The following NAV3 variants were observed in gnomAD, a reference collection of about 807,000 sequenced individuals.
NAV3 encodes pore membrane and/or filament interacting like protein 1.
In NAV3, 87 loss-of-function variants were observed where a neutral mutation model predicts 244.7. The ratio of observed to expected loss-of-function variants is 0.36; its 90% CI spans 0.30 to 0.42. NAV3 has a LOEUF of 0.42. Among genes scored for constraint, NAV3 ranks in the 20% least tolerant of loss-of-function variants. NAV3 has a pLI of 1.00. For synonymous variants in NAV3, 1,126 were observed against 1,042.2 expected (o/e 1.08, Z -1.55); for missense variants, 2,663 against 2,893.3 (o/e 0.92, Z 1.83).
chr12:78,107,865 TCTAA>T (rs1010218012), intron 12 of NAV3, among the ~76,000 whole-genome samples: 1 of 151,382 alleles, frequency 6.6e-6, no homozygotes, highest in African/African-American at 2.4e-5. Context: ...ACCAGAGAAA[TCTAA>T]CTAACCACAA....
At chr12:78,127,622 CA>C (rs1393113308) in intron 17 of NAV3, among the ~76,000 whole-genome samples, 1 of 152,030 alleles carries the variant, frequency 6.6e-6, no homozygotes, top group Non-Finnish European at 1.5e-5. Flanking sequence ...CATATGCATG[CA>C]AATATTCAAA....
rs1286610882 is a variant in NAV3, at chr12:78,192,488, C to T, written c.6291+2269C>T. Among the ~76,000 whole-genome samples, 5 of 151,810 alleles carry T rather than the reference C, an allele frequency of 3.3e-5. No homozygotes were observed. In the East Asian group the frequency reaches 5.8e-4, roughly 18 times the overall value. The stretch of plus-strand genomic sequence containing the variant: ...TGGCACGATCTCGGCTCACTGCAAC[C>T]TCTGCCTCCTGGGTTCAAGCGATTC... On this transcript the variant is annotated intron_variant, in intron 34 of 39. Coordinates refer to ENST00000397909, the MANE Select transcript of NAV3 (RefSeq NM_001024383.2).
chr12:77,833,003 C>G (rs1383023365), intron 1 of NAV3, among the ~76,000 whole-genome samples: 2 of 152,148 alleles, frequency 1.3e-5, no homozygotes, highest in African/African-American at 4.8e-5. Context: ...AAAGCCACTC[C>G]TTTTTCTACA....
At chr12:77,977,712 G>GCACACACA (rs540138192) in intron 5 of NAV3, among the ~76,000 whole-genome samples, 49 of 143,082 alleles carry the variant, frequency 3.4e-4, no homozygotes, top group Middle Eastern at 3.5e-3. Flanking sequence ...ACACACACGC[G>GCACACACA]CACACACACA....
chr12:78,053,365 C>T (rs959847324), intron 11 of NAV3, among the ~76,000 whole-genome samples: 1 of 152,058 alleles, frequency 6.6e-6, no homozygotes, highest in Non-Finnish European at 1.5e-5. Flanking sequence ...GAATCCTGAA[C>T]TATTGCCCCT....
chr12:78,145,276 A>G (rs1956818768), intron 20 of NAV3, among the ~76,000 whole-genome samples: 1 of 152,176 alleles, frequency 6.6e-6, no homozygotes, highest in Non-Finnish European at 1.5e-5. Context: ...AAGTTTACAT[A>G]TTTTTAAAGG....
intron 18 of NAV3, among the ~76,000 whole-genome samples, chr12:78,133,636 C>T (rs925631412): frequency 6.6e-6 from 1 of 151,860 alleles, no homozygotes; most frequent in African/African-American, 2.4e-5. Context: ...AAATTAAGAT[C>T]ACTACAATAT....
At chr12:77,900,439 G>A (rs771500247) in intron 1 of NAV3, among the ~76,000 whole-genome samples, 4 of 152,180 alleles carry the variant, frequency 2.6e-5, no homozygotes, top group African/African-American at 4.8e-5. Context: ...AGGACATGCA[G>A]TCTTTTTCTG....
chr12:78,043,086 C>G (rs1253233954), intron 9 of NAV3, among the ~76,000 whole-genome samples: 1 of 151,732 alleles, frequency 6.6e-6, no homozygotes, highest in Non-Finnish European at 1.5e-5. Flanking sequence ...TCCCCTTGAT[C>G]CCCCCACCCA....
chr12:77,770,678 C>A (rs750656469), intron 2 of NAV3, among the ~76,000 whole-genome samples: 1 of 152,130 alleles, frequency 6.6e-6, no homozygotes, highest in Non-Finnish European at 1.5e-5. Context: ...TAAAATGTAA[C>A]CATTTGGGTG....
intron 2 of NAV3, among the ~76,000 whole-genome samples, chr12:77,692,061 G>T (rs147254852): frequency 9.3e-4 from 142 of 152,054 alleles, no homozygotes; most frequent in African/African-American, 3.3e-3. Flanking sequence ...TTTGTATAAA[G>T]GTTTCTCTAG....
intron 2 of NAV3, among the ~76,000 whole-genome samples, chr12:77,747,535 A>G (rs1288870315): frequency 6.6e-6 from 1 of 152,226 alleles, no homozygotes; most frequent in African/African-American, 2.4e-5. Flanking sequence ...ATTACTGGGT[A>G]TACACCCAAA....
chr12:77,634,876 T>A (rs1214267078), intron 2 of NAV3, among the ~76,000 whole-genome samples: 1 of 152,106 alleles, frequency 6.6e-6, no homozygotes, highest in African/African-American at 2.4e-5. Flanking sequence ...TTATGAATAG[T>A]GAGCTTCATA....
At chr12:77,750,699 A>G (rs1031066516) in intron 2 of NAV3, among the ~76,000 whole-genome samples, 1 of 152,218 alleles carries the variant, frequency 6.6e-6, no homozygotes, top group Non-Finnish European at 1.5e-5. Flanking sequence ...GTGGATTTTA[A>G]TAATTGTGGT....
chr12:77,613,931 C>A (rs1474697183), intron 2 of NAV3, among the ~76,000 whole-genome samples: 9 of 152,048 alleles, frequency 5.9e-5, no homozygotes, highest in Admixed American at 2.6e-4. Context: ...TTCTCTTCTG[C>A]CTGCTGGGCT....
intron 2 of NAV3, among the ~76,000 whole-genome samples, chr12:77,663,311 C>T (rs1873553930): frequency 6.6e-6 from 1 of 152,102 alleles, no homozygotes; most frequent in Non-Finnish European, 1.5e-5. Flanking sequence ...ATGAAAACAT[C>T]CCTCGCTTTT....
intron 12 of NAV3, among the ~76,000 whole-genome samples, chr12:78,061,663 C>T (rs1884345239): frequency 6.6e-6 from 1 of 151,944 alleles, no homozygotes; most frequent in Non-Finnish European, 1.5e-5. Flanking sequence ...AATACATGGT[C>T]TTAAATGTTG....
In NAV3 at chr12:78,185,621, G is replaced by T. The variant is rs773683739; in HGVS notation, c.5713G>T (p.Gly1905Cys). The T allele has an allele frequency of 1.9e-6, 3 of 1,608,064 alleles. No homozygotes were observed. Among genetic ancestry groups the T allele is most frequent in the Non-Finnish European group, 2.5e-6 (3 of 1,177,210 alleles). The change falls in exon 31 of 40, where the codon GGT becomes TGT. Residue 1905 changes from glycine (G) to cysteine (C), a missense_variant. Transcript: ENST00000397909. ...VSSDILLDDA[G>C]DATGHKDGRS... ...GATAGATATTTTGCTAGATGATGCT[G>T]GTGATGCAACTGGACATAAAGATGG...
intron 1 of NAV3, among the ~76,000 whole-genome samples, chr12:77,895,130 GA>G (rs912762309): frequency 2.0e-5 from 3 of 149,690 alleles, no homozygotes; most frequent in Admixed American, 6.7e-5. Flanking sequence ...AGTGTTTCTT[GA>G]AAAAAAAAAT....
Sources: allele counts gnomAD v4.1 joint callset (sites outside exome capture counted in the v4.1 genomes callset), GRCh38; gene constraint gnomAD v4.1.1; transcripts MANE v1.5; gene names NCBI Gene and HGNC (gene_info 2026-07-23, HGNC 2026-07-21).